The following NFYC variants were observed in gnomAD, a reference collection of about 807,000 sequenced individuals.
NFYC encodes CAAT box DNA-binding protein subunit C.
Under a neutral mutation model 53.1 loss-of-function variants are expected in NFYC, and 25 were observed. That is an observed-to-expected ratio of 0.47 (90% CI 0.34 to 0.66). The LOEUF is 0.66. NFYC is among the 30% of genes least tolerant of loss of function. The probability of loss-of-function intolerance (pLI) is 0.01; values close to 1 mark genes in which losing one functional copy is unlikely to be tolerated. For missense variants in NFYC, 260 were observed against 422.7 expected (o/e 0.62, Z 3.38); for synonymous variants, 145 against 152.6 (o/e 0.95, Z 0.37).
intron 1 of NFYC, among the ~76,000 whole-genome samples, chr1:40,727,911 A>G (rs1644593548): frequency 1.3e-5 from 2 of 151,728 alleles, no homozygotes; most frequent in Non-Finnish European, 2.9e-5. Context: ...TGTCTGAGGA[A>G]TCCCTGTCTA....
intron 5 of NFYC, 98 bp downstream of exon 5, chr1:40,753,344 T>G: frequency 1.3e-6 from 1 of 753,270 alleles, no homozygotes; most frequent in African/African-American, 1.7e-5. Flanking sequence ...TCATTTGCTA[T>G]TCCTTTTGCT....
intron 2 of NFYC, 140 bp downstream of exon 2, chr1:40,739,088 G>A: frequency 1.6e-6 from 1 of 639,148 alleles, no homozygotes; most frequent in South Asian, 2.0e-5. Flanking sequence ...CCTGTGGGTA[G>A]GAAAATGAAA....
At chr1:40,708,390 T>C (rs898412677) in intron 1 of NFYC, among the ~76,000 whole-genome samples, 3 of 152,192 alleles carry the variant, frequency 2.0e-5, no homozygotes, top group Non-Finnish European at 4.4e-5. Context: ...ATTAGGGACA[T>C]GAGCACCCAA....
At position 40,753,358 on chromosome 1, in the gene NFYC, C is replaced by T. The variant is rs143984933; in HGVS notation, c.387+112C>T. The T allele has an allele frequency of 1.6e-5, 11 of 680,208 alleles. No homozygotes were observed. The East Asian group carries it at 2.7e-4, about 17-fold the overall frequency. 42.1% of individuals were successfully genotyped at this position (680,208 alleles called of 1,614,324 possible). A position where few individuals can be genotyped will look rare whatever the true frequency, so the allele number is the denominator to read the frequency against. The stretch of plus-strand genomic sequence containing the variant: ...GTCATTTGCTATTCCTTTTGCTTCT[C>T]GTTTCTAGACCAGATTCATTCTTAA... On this transcript the variant is annotated intron_variant, in intron 5 of 9. Transcript: ENST00000447388.
chr1:40,738,463 G>A (rs1422214389), intron 1 of NFYC, among the ~76,000 whole-genome samples: 3 of 152,196 alleles, frequency 2.0e-5, no homozygotes, highest in Non-Finnish European at 4.4e-5. Context: ...AAAAGCTTTG[G>A]AAAGAATGGC....
chr1:40,760,123 A>C lies in NFYC; in HGVS notation c.561+1829A>C, dbSNP rs1212391564. On this transcript the variant is annotated intron_variant, in intron 6 of 9. Coordinates refer to ENST00000447388, the MANE Select transcript of NFYC (RefSeq NM_014223.5). ...AGGCATGTGCCACCACACCTGGATA[A>C]TTTTTAATTTTTTTGTGGAGATGGG... 2.0e-5 allele frequency among the ~76,000 whole-genome samples: 3 copies of C among 152,114 alleles called. No individual in the cohort carries two copies. In the East Asian group the frequency reaches 5.8e-4, roughly 29 times the overall value.
intron 1 of NFYC, among the ~76,000 whole-genome samples, chr1:40,722,191 T>C (rs935161399): frequency 2.0e-5 from 3 of 151,722 alleles, no homozygotes; most frequent in Non-Finnish European, 4.4e-5. Context: ...TATAAATAAA[T>C]AATTAATTTA....
intron 1 of NFYC, among the ~76,000 whole-genome samples, chr1:40,724,197 C>T (rs530088232): frequency 6.4e-4 from 98 of 152,154 alleles, no homozygotes; most frequent in African/African-American, 2.1e-3. Context: ...TGGTGAAACC[C>T]GTCTCTTCAA....
chr1:40,718,654 T>C (rs1172047334), intron 1 of NFYC, among the ~76,000 whole-genome samples: 1 of 152,248 alleles, frequency 6.6e-6, no homozygotes, highest in African/African-American at 2.4e-5. Context: ...AAATTGTCTT[T>C]AATGAATCCT....
chr1:40,765,886 TCTGA>T (rs1259295658), intron 7 of NFYC, among the ~76,000 whole-genome samples: 1 of 152,200 alleles, frequency 6.6e-6, no homozygotes, highest in Non-Finnish European at 1.5e-5. Flanking sequence ...TATTGTATTA[TCTGA>T]GATTTAATCG....
At chr1:40,739,982 G>A (rs984684067) in intron 2 of NFYC, among the ~76,000 whole-genome samples, 1 of 152,184 alleles carries the variant, frequency 6.6e-6, no homozygotes. Flanking sequence ...TTTAGTGGAG[G>A]TTGAGGGAAG....
At chr1:40,766,221 C>A in intron 7 of NFYC, 1 of 189,366 alleles carries the variant, frequency 5.3e-6, no homozygotes. Context: ...CGAAAGAGGC[C>A]CACACTTAAT....
In NFYC at chr1:40,741,535, T is replaced by C. The variant is rs561171464; in HGVS notation, c.105+2587T>C. On this transcript the variant is annotated intron_variant, in intron 2 of 9. Coordinates refer to ENST00000447388, the MANE Select transcript of NFYC (RefSeq NM_014223.5). Reference sequence around the variant, plus strand: ...CATCTGTATTTGTCTTTTTGTCTTATCTTATTTCACTTAGCATGTCTGTTG... The same window carrying C: ...CATCTGTATTTGTCTTTTTGTCTTACCTTATTTCACTTAGCATGTCTGTTG... 2.0e-4 allele frequency among the ~76,000 whole-genome samples: 31 copies of C among 152,266 alleles called. 1 individual carries two copies. The South Asian group carries it at 2.7e-3, about 13-fold the overall frequency.
chr1:40,755,538 A>G (rs1570668226), intron 5 of NFYC, among the ~76,000 whole-genome samples: 2 of 152,186 alleles, frequency 1.3e-5, no homozygotes, highest in Non-Finnish European at 2.9e-5. Context: ...GCCCCACTAA[A>G]GCTATTGAGT....
chr1:40,697,982 A>G (rs1057036077), intron 1 of NFYC, among the ~76,000 whole-genome samples: 1 of 152,242 alleles, frequency 6.6e-6, no homozygotes, highest in Non-Finnish European at 1.5e-5. Context: ...TTTCTATTGT[A>G]TAAACTTGTA....
rs1646828617 is a variant in NFYC, at chr1:40,766,722, C to A, written c.828+19C>A. ...TCAACAGGTATGTGCCCCAGAGACACAAGGCCTGTGTTGGAGACCAGGAGC... is the reference window on the plus strand; with the variant it reads ...TCAACAGGTATGTGCCCCAGAGACAAAAGGCCTGTGTTGGAGACCAGGAGC... On this transcript the variant is annotated intron_variant, in intron 8 of 9. Coordinates refer to ENST00000447388, the MANE Select transcript of NFYC (RefSeq NM_014223.5). The A allele has an allele frequency of 3.1e-6, 5 of 1,606,120 alleles. No individual in the cohort carries two copies. The highest frequency in any genetic ancestry group is 4.3e-6 in the Non-Finnish European group (5 of 1,172,740).
chr1:40,734,928 T>TA (rs1644947455), intron 1 of NFYC: 1 of 152,196 alleles, frequency 6.6e-6, no homozygotes, highest in South Asian at 2.1e-4. Flanking sequence ...CAGGAATTTA[T>TA]AAAAAGAGTT....
intron 1 of NFYC, among the ~76,000 whole-genome samples, chr1:40,728,237 C>G (rs556237371): frequency 1.3e-5 from 2 of 152,112 alleles, no homozygotes; most frequent in African/African-American, 2.4e-5. Context: ...AATAATAAGA[C>G]TTGAATGTTG....
intron 1 of NFYC, chr1:40,735,143 C>T (rs374439115): frequency 1.4e-5 from 2 of 147,114 alleles, no homozygotes; most frequent in East Asian, 2.0e-4. Context: ...AAGCTGCGAG[C>T]GTCTTATGAA....
Sources: allele counts gnomAD v4.1 joint callset (sites outside exome capture counted in the v4.1 genomes callset), GRCh38; gene constraint gnomAD v4.1.1; transcripts MANE v1.5; gene names NCBI Gene and HGNC (gene_info 2026-07-23, HGNC 2026-07-21).